The following TAPT1 variants were observed in gnomAD, a reference collection of about 807,000 sequenced individuals.
TAPT1 encodes the protein transmembrane anterior posterior transformation protein 1 homolog.
In TAPT1, 28 loss-of-function variants were observed where a neutral mutation model predicts 65.6. The observed-to-expected ratio is 0.43, with a 90% CI of 0.32 to 0.59. The LOEUF is 0.59. Ranked by LOEUF, TAPT1 falls within the 20% of genes least tolerant of loss-of-function variation. The pLI is 0.09. For synonymous variants in TAPT1, 278 were observed against 245.2 expected (o/e 1.13, Z -1.25); for missense variants, 563 against 679.9 (o/e 0.83, Z 1.91).
rs182825891 is a variant in TAPT1 at position 16,215,206 on chromosome 4, G to A, written c.200-1308C>T. 4.2e-3 allele frequency among the ~76,000 whole-genome samples: 639 copies of A among 152,116 alleles called. 2 individuals carry two copies. The highest frequency in any genetic ancestry group is 0.014 in the African/African-American group (563 of 41,488). ...CTTGGGAGGCTGAGGCAAGAGAATC[G>A]CTTGAACCCAGGAGGCAGAGGTTGC... On this transcript the variant is annotated intron_variant, in intron 1 of 13. Transcript: ENST00000405303.
At chr4:16,178,256 C>T (rs539318203) in intron 8 of TAPT1, among the ~76,000 whole-genome samples, 2 of 152,236 alleles carry the variant, frequency 1.3e-5, no homozygotes, top group East Asian at 1.9e-4. Context: ...GTAGCCTGCT[C>T]GAGCTGCTGT....
At chr4:16,222,400 T>C (rs567636525) in intron 1 of TAPT1, among the ~76,000 whole-genome samples, 1 of 152,372 alleles carries the variant, frequency 6.6e-6, no homozygotes, top group African/African-American at 2.4e-5. Flanking sequence ...ATCTGGTTTG[T>C]GGTTACTCCA....
In TAPT1 at chr4:16,196,765, T is replaced by C. The variant is rs901175618; in HGVS notation, c.450-5242A>G. On this transcript the variant is annotated intron_variant, in intron 3 of 13. Coordinates refer to ENST00000405303, the MANE Select transcript of TAPT1 (RefSeq NM_153365.3). Reference sequence around the variant, plus strand: ...AAAGAAAGAGAGAAGATTGTAATGTTGCTACGCTACTTAGAGCTCCATGGT... The same window carrying C: ...AAAGAAAGAGAGAAGATTGTAATGTCGCTACGCTACTTAGAGCTCCATGGT... 1.0e-5 allele frequency: 11 copies of C among 1,084,038 alleles called. No individual in the cohort carries two copies. The Admixed American group carries it at 2.1e-4, about 20-fold the overall frequency. The allele number at this position is 1,084,038 out of a possible 1,614,324, so 67.2% of individuals were successfully genotyped here. A position where few individuals can be genotyped will look rare whatever the true frequency, so the allele number is the denominator to read the frequency against.
intron 2 of TAPT1, among the ~76,000 whole-genome samples, chr4:16,205,394 C>T (rs1294974227): frequency 1.3e-5 from 2 of 152,110 alleles, no homozygotes; most frequent in East Asian, 3.8e-4. Flanking sequence ...CTTAGTCTCA[C>T]TTTTATAAAG....
chr4:16,183,930 T>C (rs1263333531), intron 7 of TAPT1, among the ~76,000 whole-genome samples: 2 of 152,234 alleles, frequency 1.3e-5, no homozygotes, highest in Non-Finnish European at 2.9e-5. Context: ...ATCTAGGCTT[T>C]ATGTTCAAGT....
intron 1 of TAPT1, among the ~76,000 whole-genome samples, chr4:16,220,333 T>G (rs1751174731): frequency 6.6e-6 from 1 of 152,228 alleles, no homozygotes. Context: ...CTCTCATTTG[T>G]TATGCCAAAC....
chr4:16,227,104 C>G (rs1419505179), upstream of TAPT1: 1 of 455,318 alleles, frequency 2.2e-6, no homozygotes, highest in African/African-American at 2.0e-5. Flanking sequence ...CTGTTACATT[C>G]CCTGGCCTCT....
At chr4:16,186,717 C>T (rs1474762849) in intron 6 of TAPT1, 64 bp downstream of exon 6, 3 of 1,414,448 alleles carry the variant, frequency 2.1e-6, no homozygotes, top group Non-Finnish European at 3.0e-6. Flanking sequence ...TTTTATCCCA[C>T]CCAGAGTATT....
At chr4:16,197,601 G>A (rs927527930) in intron 3 of TAPT1, among the ~76,000 whole-genome samples, 20 of 152,088 alleles carry the variant, frequency 1.3e-4, no homozygotes, top group Admixed American at 6.6e-4. Context: ...AGGATGTTTC[G>A]TACCTCTAAC....
At chr4:16,172,215 A>T (rs1400604826) in intron 11 of TAPT1, among the ~76,000 whole-genome samples, 1 of 152,238 alleles carries the variant, frequency 6.6e-6, no homozygotes, top group African/African-American at 2.4e-5. Flanking sequence ...AGAATAAAAC[A>T]AGGATTGAAG....
At chr4:16,194,856 T>A (rs1336007926) in intron 3 of TAPT1, among the ~76,000 whole-genome samples, 1 of 131,136 alleles carries the variant, frequency 7.6e-6, no homozygotes, top group Non-Finnish European at 1.6e-5. Context: ...GGTCTTGATT[T>A]CTGTCTTCTT....
chr4:16,196,684 T>C (rs1215767863), intron 3 of TAPT1: 9 of 1,288,876 alleles, frequency 7.0e-6, no homozygotes, highest in Non-Finnish European at 9.1e-6. Context: ...GCCACCACAT[T>C]CCATTCTATA....
chr4:16,161,875 T>G lies in TAPT1; in HGVS notation c.*1433A>C, dbSNP rs1372848074. 6.6e-6 allele frequency: 1 copy of G among 152,190 alleles called. No homozygotes were observed. Among genetic ancestry groups the G allele is most frequent in the Non-Finnish European group, 1.5e-5 (1 of 68,038 alleles). The allele number at this position is 152,190 out of a possible 1,614,324, so 9.4% of individuals were successfully genotyped here. A position where few individuals can be genotyped will look rare whatever the true frequency, so the allele number is the denominator to read the frequency against. ...GCCTATGTATGTACGCCTGAAACAT[T>G]TGCATGAGAGCTAAACTTCAAAATC... On this transcript the variant is annotated 3_prime_UTR_variant, in exon 14 of 14. Coordinates refer to ENST00000405303, the MANE Select transcript of TAPT1 (RefSeq NM_153365.3).
intron 3 of TAPT1, among the ~76,000 whole-genome samples, chr4:16,201,784 TGTG>T (rs1347110524): frequency 6.6e-6 from 1 of 152,208 alleles, no homozygotes; most frequent in African/African-American, 2.4e-5. Context: ...TTCCAATCTT[TGTG>T]GTAAAAGATG....
At chr4:16,185,370 ATTT>A (rs879607371) in intron 7 of TAPT1, among the ~76,000 whole-genome samples, 1 of 143,688 alleles carries the variant, frequency 7.0e-6, no homozygotes. Context: ...AATCATCGTA[ATTT>A]TTTTTTTTTT....
chr4:16,169,711 G>T (rs1747868790), intron 12 of TAPT1, among the ~76,000 whole-genome samples: 1 of 152,234 alleles, frequency 6.6e-6, no homozygotes, highest in South Asian at 2.1e-4. Flanking sequence ...AGGATACTTG[G>T]TGGAGAGGTG....
intron 1 of TAPT1, among the ~76,000 whole-genome samples, chr4:16,224,542 C>G (rs931286873): frequency 5.9e-5 from 9 of 152,166 alleles, no homozygotes; most frequent in African/African-American, 2.2e-4. Context: ...ATCGCCAAGG[C>G]TAGTGTGACT....
At chr4:16,166,094 G>T (rs1273433345) in intron 13 of TAPT1, among the ~76,000 whole-genome samples, 3 of 152,114 alleles carry the variant, frequency 2.0e-5, no homozygotes, top group Non-Finnish European at 2.9e-5. Context: ...AATGTCCTTT[G>T]ATGCGCCAAG....
At chr4:16,227,073 CTTCTG>C (rs763511187), upstream of TAPT1, 52 of 454,812 alleles carry the variant, frequency 1.1e-4, 1 homozygote, top group South Asian at 8.1e-4. Context: ...GGTTCCATCT[CTTCTG>C]CATATTTATG....
Sources: gnomAD v4.1 joint callset for allele counts (sites outside exome capture counted in the v4.1 genomes callset) on GRCh38, gnomAD v4.1.1 for gene constraint, MANE v1.5 for transcripts, NCBI Gene and HGNC (gene_info 2026-07-23, HGNC 2026-07-21) for gene names.